LRGUK: variants seen among roughly 807,000 people sequenced by gnomAD.
LRGUK encodes leucine-rich repeat and guanylate kinase domain-containing protein.
LRGUK carries 65 observed loss-of-function variants against 76.0 expected under a neutral mutation model. That is an observed-to-expected ratio of 0.85 (90% confidence interval 0.70 to 1.05). The LOEUF is 1.05. Among genes scored for constraint, LRGUK ranks in the 50% least tolerant of loss-of-function variants. LRGUK has a pLI of 0.00. For missense variants in LRGUK, 758 were observed against 732.8 expected, an observed-to-expected ratio of 1.03 and a Z score of -0.40; for synonymous variants, 268 against 265.6, an observed-to-expected ratio of 1.01 and a Z score of -0.09.
At chr7:134,169,209 A>T (rs898466609) in intron 7 of LRGUK, among the ~76,000 whole-genome samples, 1 of 150,626 alleles carries the variant, frequency 6.6e-6, no homozygotes, top group African/African-American at 2.4e-5. Context: ...AGGCCATGAG[A>T]AGACCCAGGT....
chr7:134,127,382 G>A (rs764899422), exon 1 of LRGUK: 2 of 1,604,806 alleles, frequency 1.2e-6, no homozygotes, highest in Non-Finnish European at 1.7e-6. Flanking sequence ...CGACCTCCGA[G>A]AGGGCTCTCC....
At chr7:134,274,590 T>TTA in the LRGUK span, among the ~76,000 whole-genome samples, 3 of 144,886 alleles carry the variant, frequency 2.1e-5, no homozygotes, top group African/African-American at 8.7e-5. Context: ...ATTATAATTG[T>TTA]GTTTTAGTCT....
At chr7:134,267,276 A>G (rs566618915), downstream of LRGUK, among the ~76,000 whole-genome samples, 4 of 152,348 alleles carry the variant, frequency 2.6e-5, no homozygotes, top group East Asian at 3.9e-4. Context: ...AACTACATGG[A>G]TGTAGCTGGA....
At chr7:134,269,350 C>CTT (rs71172445), downstream of LRGUK, among the ~76,000 whole-genome samples, 1,741 of 123,862 alleles carry the variant, frequency 0.014, 64 homozygotes, top group African/African-American at 0.039. Context: ...GATTTCAATT[C>CTT]TTTTTTTTTT....
chr7:134,166,734 T>C (rs1216434467), intron 7 of LRGUK, among the ~76,000 whole-genome samples: 2 of 152,174 alleles, frequency 1.3e-5, no homozygotes, highest in Non-Finnish European at 2.9e-5. Flanking sequence ...TGAAGACCAT[T>C]ATTCCACTCA....
At chr7:134,127,414 T>C in exon 1 of LRGUK, 1 of 1,613,386 alleles carries the variant, frequency 6.2e-7, no homozygotes, top group South Asian at 1.1e-5. Context: ...GCTGCCTCTC[T>C]CCTGAGAGGC....
intron 5 of LRGUK, among the ~76,000 whole-genome samples, chr7:134,157,428 C>A (rs898241212): frequency 6.6e-6 from 1 of 152,150 alleles, no homozygotes; most frequent in South Asian, 2.1e-4. Flanking sequence ...CTTAACTGAT[C>A]GAGGGAAAAC....
chr7:134,181,501 G>C (rs1223561385), intron 10 of LRGUK, among the ~76,000 whole-genome samples: 1 of 140,598 alleles, frequency 7.1e-6, no homozygotes, highest in Non-Finnish European at 1.5e-5. Flanking sequence ...TATAATGTGT[G>C]CCCTTTCAAT....
intron 5 of LRGUK, among the ~76,000 whole-genome samples, chr7:134,150,291 A>AC (rs397946857): frequency 3.4e-5 from 5 of 146,054 alleles, no homozygotes; most frequent in Non-Finnish European, 6.0e-5. Context: ...AACAAAAAAA[A>AC]CAAAAAAAAA....
chr7:134,230,085 A>T (rs1278624830), intron 16 of LRGUK, among the ~76,000 whole-genome samples: 1 of 151,988 alleles, frequency 6.6e-6, no homozygotes, highest in Non-Finnish European at 1.5e-5. Flanking sequence ...CAGCATGAGG[A>T]AAAAAAAGAC....
At chr7:134,177,988 T>C (rs1799552673) in intron 9 of LRGUK, among the ~76,000 whole-genome samples, 1 of 152,168 alleles carries the variant, frequency 6.6e-6, no homozygotes, top group Admixed American at 6.5e-5. Context: ...CCCATATCCT[T>C]GAATGAACAA....
intron 11 of LRGUK, among the ~76,000 whole-genome samples, chr7:134,191,450 A>G (rs1469752930): frequency 6.6e-6 from 1 of 152,188 alleles, no homozygotes; most frequent in Non-Finnish European, 1.5e-5. Flanking sequence ...GGTATGGATA[A>G]TCCAAATTTT....
At chr7:134,245,181 A>G (rs1360920064) in intron 16 of LRGUK, among the ~76,000 whole-genome samples, 1 of 152,232 alleles carries the variant, frequency 6.6e-6, no homozygotes, top group African/African-American at 2.4e-5. Context: ...AACTTAAAGT[A>G]TAATAATAAA....
the LRGUK span, among the ~76,000 whole-genome samples, chr7:134,269,832 T>A: frequency 3.9e-5 from 6 of 152,110 alleles, no homozygotes; most frequent in African/African-American, 1.2e-4. Flanking sequence ...AAATCTATCA[T>A]AATAATAGGA....
chr7:134,178,945 A>AAAAAACCAAAAAAAAAAC (rs1249630293), intron 10 of LRGUK, among the ~76,000 whole-genome samples: 7 of 150,014 alleles, frequency 4.7e-5, no homozygotes, highest in Non-Finnish European at 1.0e-4. Flanking sequence ...AAAAAAAAAA[A>AAAAAACCAAAAAAAAAAC]AAACCAGGAC....
downstream of LRGUK, among the ~76,000 whole-genome samples, chr7:134,212,884 A>G (rs1801326229): frequency 6.6e-6 from 1 of 152,182 alleles, no homozygotes. Context: ...TACATTTTAC[A>G]TCCTACAGAC....
At chr7:134,160,839 T>C (rs1798697811) in intron 6 of LRGUK, among the ~76,000 whole-genome samples, 1 of 152,174 alleles carries the variant, frequency 6.6e-6, no homozygotes, top group African/African-American at 2.4e-5. Flanking sequence ...AACTAATCAT[T>C]ATGAAACAAG....
rs536753268 is a variant in LRGUK at position 134,172,988 on chromosome 7, A to AAAAT, written c.940-1548_940-1545dup. On this transcript the variant is annotated intron_variant, in intron 7 of 15. Transcript: ENST00000645682. ...GGTGACAGAGCAAGAACCCATCTCA[A>AAAAT]AAATAAATAAATAAATAAATAAAAA... is the stretch of plus-strand genomic sequence containing the variant. Among the ~76,000 whole-genome samples, 368 of 152,226 alleles carry AAAAT rather than the reference A, an allele frequency of 2.4e-3. 2 individuals carry two copies. Among genetic ancestry groups the AAAAT allele is most frequent in the African/African-American group, 7.1e-3 (296 of 41,510 alleles).
chr7:134,210,061 A>G, exon 16 of LRGUK: 3 of 399,390 alleles, frequency 7.5e-6, no homozygotes, highest in Non-Finnish European at 1.3e-5. Flanking sequence ...ACCAGGGGCC[A>G]CTTCAGCAGA....
Sources: gnomAD v4.1 joint callset for allele counts (sites outside exome capture counted in the v4.1 genomes callset) on GRCh38, gnomAD v4.1.1 for gene constraint, MANE v1.5 for transcripts, NCBI Gene and HGNC (gene_info 2026-07-23, HGNC 2026-07-21) for gene names.